The following NBAS variants were observed in gnomAD, a reference collection of about 807,000 sequenced individuals.
The protein encoded by NBAS is NBAS subunit of NRZ tethering complex.
Under a neutral mutation model 302.5 loss-of-function variants are expected in NBAS, and 219 were observed. That is an observed-to-expected ratio of 0.72 (90% CI 0.65 to 0.81). NBAS has a LOEUF of 0.81. Ranked by LOEUF, NBAS falls within the 30% of genes least tolerant of loss-of-function variation. The pLI is 0.00. For missense variants in NBAS, 2,932 were observed against 2,841.6 expected (o/e 1.03, Z -0.72); for synonymous variants, 1,118 against 1,021.6 (o/e 1.09, Z -1.80).
At chr2:15,299,206 C>T (rs1670687409) in intron 40 of NBAS, among the ~76,000 whole-genome samples, 1 of 152,158 alleles carries the variant, frequency 6.6e-6, no homozygotes, top group African/African-American at 2.4e-5. Flanking sequence ...AAACTAACAG[C>T]ATAAAAAGCC....
the NBAS span, among the ~76,000 whole-genome samples, chr2:14,798,590 A>C: frequency 6.6e-6 from 1 of 152,162 alleles, no homozygotes; most frequent in Non-Finnish European, 1.5e-5. Context: ...CTGGCCTTAC[A>C]GAAAGAGTTA....
rs149111783 is a variant in NBAS, at chr2:15,544,648, C to T, written c.380-5292G>A. Reference sequence around the variant, plus strand: ...TTAAAGTAGACAGAAGAAAGAAACACACCTTCTATCCAAGAAAACAATAGC... The same window carrying T: ...TTAAAGTAGACAGAAGAAAGAAACATACCTTCTATCCAAGAAAACAATAGC... On this transcript the variant is annotated intron_variant, in intron 6 of 51. Transcript: ENST00000281513. Among the ~76,000 whole-genome samples, 27 of 152,226 alleles carry T rather than the reference C, an allele frequency of 1.8e-4. No homozygotes were observed. In the East Asian group the frequency reaches 5.2e-3, roughly 29 times the overall value.
the NBAS span, among the ~76,000 whole-genome samples, chr2:15,130,854 A>C: frequency 6.6e-6 from 1 of 152,064 alleles, no homozygotes; most frequent in African/African-American, 2.4e-5. Flanking sequence ...TAATTTCTAG[A>C]CCAGTGGGCT....
chr2:15,089,740 G>A, the NBAS span, among the ~76,000 whole-genome samples: 19 of 127,464 alleles, frequency 1.5e-4, no homozygotes, highest in Non-Finnish European at 2.2e-4. Flanking sequence ...ATTGGGTCAG[G>A]ACTTTTTTTT....
chr2:15,034,223 G>GAA, the NBAS span, among the ~76,000 whole-genome samples: 4 of 20,168 alleles, frequency 2.0e-4, no homozygotes, highest in Non-Finnish European at 3.6e-4. Context: ...AGAAAGAGAG[G>GAA]GAAAGAAAGA....
intron 28 of NBAS, among the ~76,000 whole-genome samples, chr2:15,389,495 T>C (rs1487260177): frequency 6.6e-6 from 1 of 152,310 alleles, no homozygotes; most frequent in East Asian, 1.9e-4. Flanking sequence ...AAAGAGTTGA[T>C]GGTATACTGT....
At chr2:15,105,597 A>C in the NBAS span, among the ~76,000 whole-genome samples, 1 of 152,128 alleles carries the variant, frequency 6.6e-6, no homozygotes, top group South Asian at 2.1e-4. Context: ...ATTGTGAAGC[A>C]GTTCAGGACC....
At chr2:15,207,293 C>G (rs1666193562) in intron 48 of NBAS, among the ~76,000 whole-genome samples, 1 of 152,152 alleles carries the variant, frequency 6.6e-6, no homozygotes. Flanking sequence ...TCAATTTCTC[C>G]CACTTGGAAT....
At chr2:15,181,125 T>C (rs889238861) in intron 50 of NBAS, among the ~76,000 whole-genome samples, 1 of 152,238 alleles carries the variant, frequency 6.6e-6, no homozygotes, top group African/African-American at 2.4e-5. Flanking sequence ...GTACATGCCA[T>C]ACCTAAAACT....
rs369986713 is a variant in NBAS at position 15,188,454 on chromosome 2, G to A, written c.6573-1574C>T. On this transcript the variant is annotated intron_variant, in intron 49 of 51. Transcript: ENST00000281513. ...GTACTTCTGAGCACCTGTTTGTAAA[G>A]TATCCCATCACACATTCTCCAGAAT... is the stretch of plus-strand genomic sequence containing the variant. Among the ~76,000 whole-genome samples the A allele has an allele frequency of 9.9e-5, 15 of 152,280 alleles. No homozygotes were observed. The East Asian group carries it at 1.2e-3, about 12-fold the overall frequency.
In NBAS at chr2:15,509,445, C is replaced by T. The variant is rs557979694; in HGVS notation, c.885+1767G>A. Among the ~76,000 whole-genome samples, 9 of 152,282 alleles carry T rather than the reference C, an allele frequency of 5.9e-5. No homozygotes were observed. In the South Asian group the frequency reaches 1.9e-3, roughly 32 times the overall value. On this transcript the variant is annotated intron_variant, in intron 10 of 51. Transcript: ENST00000281513. ...ACAGTACTGCATAAGCTGTTCTACA[C>T]ATACAAACTGGTTTAATGTCTGGTG...
At chr2:14,826,717 C>T in the NBAS span, among the ~76,000 whole-genome samples, 1 of 152,204 alleles carries the variant, frequency 6.6e-6, no homozygotes, top group Admixed American at 6.5e-5. Context: ...TCCTGTAGGG[C>T]ACTCCCTTGC....
chr2:15,263,507 G>A (rs1021667444), intron 44 of NBAS, among the ~76,000 whole-genome samples: 1 of 152,170 alleles, frequency 6.6e-6, no homozygotes, highest in African/African-American at 2.4e-5. Flanking sequence ...GTATACAAGA[G>A]TTTTCATTCC....
intron 9 of NBAS, among the ~76,000 whole-genome samples, chr2:15,519,972 C>G (rs1662584011): frequency 6.6e-6 from 1 of 152,088 alleles, no homozygotes; most frequent in Admixed American, 6.6e-5. Flanking sequence ...AAAGACAAAA[C>G]ATGGGAATTT....
At chr2:15,511,907 G>A (rs897974408) in intron 9 of NBAS, among the ~76,000 whole-genome samples, 2 of 152,146 alleles carry the variant, frequency 1.3e-5, no homozygotes, top group Admixed American at 1.3e-4. Flanking sequence ...TACCAACAGG[G>A]CAAACAGCCT....
intron 21 of NBAS, among the ~76,000 whole-genome samples, chr2:15,444,916 A>G (rs1433584009): frequency 1.3e-5 from 2 of 151,406 alleles, no homozygotes; most frequent in East Asian, 3.9e-4. Context: ...GCTCACCATC[A>G]CTGGCCATCA....
intron 50 of NBAS, among the ~76,000 whole-genome samples, chr2:15,184,435 TC>T (rs1362907678): frequency 6.6e-6 from 1 of 152,014 alleles, no homozygotes. Flanking sequence ...GAGCTTGTTT[TC>T]CTGCAACTAG....
the NBAS span, among the ~76,000 whole-genome samples, chr2:15,150,981 C>CAA: frequency 6.6e-6 from 1 of 151,748 alleles, no homozygotes; most frequent in Non-Finnish European, 1.5e-5. Flanking sequence ...AGTAAGAAAA[C>CAA]AAAAAAAATT....
the NBAS span, among the ~76,000 whole-genome samples, chr2:14,978,742 T>G: frequency 6.6e-6 from 1 of 152,170 alleles, no homozygotes; most frequent in East Asian, 1.9e-4. Context: ...TTAGATAAAC[T>G]TCCTCCCATT....
Sources: gnomAD v4.1 joint callset for allele counts (sites outside exome capture counted in the v4.1 genomes callset) on GRCh38, gnomAD v4.1.1 for gene constraint, MANE v1.5 for transcripts, NCBI Gene and HGNC (gene_info 2026-07-23, HGNC 2026-07-21) for gene names.